PPP4R2: variants seen among roughly 807,000 people sequenced by gnomAD.
PPP4R2 encodes the protein protein phosphatase 4 regulatory subunit 2.
Under a neutral mutation model 47.2 loss-of-function variants are expected in PPP4R2, and 13 were observed. That is an observed-to-expected ratio of 0.28 (90% CI 0.18 to 0.44). The LOEUF is 0.44. PPP4R2 is among the 20% of genes least tolerant of loss of function. The probability of loss-of-function intolerance (pLI) is 1.00; values close to 1 mark genes in which losing one functional copy is unlikely to be tolerated. For synonymous variants in PPP4R2, 151 were observed against 163.3 expected (o/e 0.92, Z 0.57); for missense variants, 421 against 491.2 (o/e 0.86, Z 1.35).
At chr3:73,002,277 A>C (rs981424984) in intron 2 of PPP4R2, among the ~76,000 whole-genome samples, 2 of 152,158 alleles carry the variant, frequency 1.3e-5, no homozygotes, top group Admixed American at 6.6e-5. Context: ...TTTTGAGGCA[A>C]GGTCTTGCTG....
intron 2 of PPP4R2, chr3:73,015,004 G>A (rs777328238): frequency 4.8e-5 from 32 of 670,682 alleles, no homozygotes; most frequent in Middle Eastern, 4.7e-4. Flanking sequence ...TCACCCAGTC[G>A]TAATTTTTTT....
chr3:73,013,093 T>C (rs1002540702), intron 2 of PPP4R2, among the ~76,000 whole-genome samples: 6 of 152,060 alleles, frequency 3.9e-5, no homozygotes, highest in African/African-American at 1.4e-4. Context: ...CCTTGTTAAG[T>C]TGTCATTCAG....
intron 3 of PPP4R2, among the ~76,000 whole-genome samples, chr3:73,058,763 A>T: frequency 6.6e-6 from 1 of 151,520 alleles, no homozygotes; most frequent in East Asian, 1.9e-4. Flanking sequence ...TTCTAACTAT[A>T]TTTTTGTACC....
chr3:73,055,367 A>G (rs928511825), intron 3 of PPP4R2, among the ~76,000 whole-genome samples: 6 of 151,774 alleles, frequency 4.0e-5, no homozygotes, highest in Non-Finnish European at 8.8e-5. Flanking sequence ...CATGAGACCC[A>G]TGAAGACTCA....
At chr3:73,048,024 A>G (rs1451290553) in intron 3 of PPP4R2, among the ~76,000 whole-genome samples, 1 of 152,070 alleles carries the variant, frequency 6.6e-6, no homozygotes, top group Non-Finnish European at 1.5e-5. Context: ...CTGTAGGCGC[A>G]TGCCACCACA....
intron 2 of PPP4R2, among the ~76,000 whole-genome samples, chr3:73,012,881 T>G (rs1405148496): frequency 6.6e-6 from 1 of 151,118 alleles, no homozygotes; most frequent in Non-Finnish European, 1.5e-5. Context: ...GGAGCAATCT[T>G]AAATGTAGGT....
At chr3:73,007,979 AT>A (rs1272788104) in intron 2 of PPP4R2, among the ~76,000 whole-genome samples, 24 of 151,604 alleles carry the variant, frequency 1.6e-4, no homozygotes, top group Non-Finnish European at 2.5e-4. Context: ...TTCCCTCAAA[AT>A]TTTTTTTAAG....
intron 2 of PPP4R2, among the ~76,000 whole-genome samples, chr3:73,045,982 A>T (rs1559562118): frequency 6.6e-6 from 1 of 152,170 alleles, no homozygotes; most frequent in East Asian, 1.9e-4. Context: ...TCATTTTGTT[A>T]CACAGAATAT....
chr3:73,012,062 T>C (rs746706546), intron 2 of PPP4R2, among the ~76,000 whole-genome samples: 7 of 152,216 alleles, frequency 4.6e-5, no homozygotes, highest in South Asian at 4.1e-4. Flanking sequence ...TCCCTTGTTA[T>C]ATGTGGGTGA....
intron 5 of PPP4R2, chr3:73,061,373 T>C (rs1323624816): frequency 5.8e-6 from 1 of 173,378 alleles, no homozygotes. Flanking sequence ...AGGGTGTCTC[T>C]AGGGCATAAT....
chr3:73,059,222 A>G (rs1221047673), intron 4 of PPP4R2, 92 bp downstream of exon 4: 12 of 609,384 alleles, frequency 2.0e-5, no homozygotes, highest in Non-Finnish European at 2.7e-5. Flanking sequence ...TTCGGGTACC[A>G]CTTCTTGAAA....
At chr3:72,999,025 G>T (rs189461079) in intron 2 of PPP4R2, among the ~76,000 whole-genome samples, 1 of 152,242 alleles carries the variant, frequency 6.6e-6, no homozygotes, top group African/African-American at 2.4e-5. Context: ...ATTAGCAAGT[G>T]TTCATTTCTC....
chr3:73,011,764 C>A (rs990098681), intron 2 of PPP4R2, among the ~76,000 whole-genome samples: 1 of 147,810 alleles, frequency 6.8e-6, no homozygotes, highest in African/African-American at 2.5e-5. Context: ...GGTGATGAGA[C>A]TGATACGTGT....
chr3:73,000,283 A>G (rs1701432226), intron 2 of PPP4R2, among the ~76,000 whole-genome samples: 1 of 152,196 alleles, frequency 6.6e-6, no homozygotes, highest in Admixed American at 6.5e-5. Context: ...GCAGTGAGCC[A>G]TGATGGTTGG....
At position 73,065,620 on chromosome 3, in the gene PPP4R2, A is replaced by G; in HGVS notation, c.1152A>G (p.Val384=). The G allele has an allele frequency of 1.1e-5, 18 of 1,613,078 alleles. No individual in the cohort carries two copies. The highest frequency in any genetic ancestry group is 1.5e-5 in the Non-Finnish European group (18 of 1,179,062). The change falls in exon 9 of 9, where the codon GTA becomes GTG. Residue 384 remains valine, a synonymous_variant. Coordinates refer to ENST00000356692, the MANE Select transcript of PPP4R2 (RefSeq NM_174907.4). ...SSDCRETEEL[V]GSNSSKTGEI... ...ACTGCCGTGAAACAGAAGAATTAGT[A>G]GGATCCAATTCCAGTAAAACTGGAG...
At position 73,065,983 on chromosome 3, in the gene PPP4R2, T is replaced by A. The variant is rs1017670507; in HGVS notation, c.*261T>A. 3.8e-5 allele frequency: 8 copies of A among 213,046 alleles called. No homozygotes were observed. The highest frequency in any genetic ancestry group is 1.7e-4 in the Admixed American group (3 of 17,258). 13.2% of individuals were successfully genotyped at this position (213,046 alleles called of 1,614,324 possible). A position where few individuals can be genotyped will look rare whatever the true frequency, so the allele number is the denominator to read the frequency against. ...AAATCAGTGGTTTGTGTATAGATTT[T>A]TTTTTTTTTTTAATTTAGGATTGAA... On this transcript the variant is annotated 3_prime_UTR_variant, in exon 9 of 9. Coordinates refer to ENST00000356692, the MANE Select transcript of PPP4R2 (RefSeq NM_174907.4).
intron 2 of PPP4R2, among the ~76,000 whole-genome samples, chr3:73,005,523 C>T (rs1701589713): frequency 6.6e-6 from 1 of 151,810 alleles, no homozygotes; most frequent in Non-Finnish European, 1.5e-5. Flanking sequence ...ATCATTTTGT[C>T]TTGAATTCTT....
intron 2 of PPP4R2, among the ~76,000 whole-genome samples, chr3:73,013,379 TCA>T (rs1176346492): frequency 6.6e-6 from 1 of 152,238 alleles, no homozygotes; most frequent in Non-Finnish European, 1.5e-5. Context: ...GTGTAATGGA[TCA>T]CACAAATTAG....
In PPP4R2 at chr3:73,021,880, G is replaced by GTGTA. The variant is rs1370167478; in HGVS notation, c.116+23723_116+23724insGTAT. On this transcript the variant is annotated intron_variant, in intron 2 of 8. Coordinates refer to ENST00000356692, the MANE Select transcript of PPP4R2 (RefSeq NM_174907.4). ...TGTGTGTGTGTGTGTGTGTGTGTGT[G>GTGTA]TATATATGCATATATATATATTTTT... 7.6e-3 allele frequency among the ~76,000 whole-genome samples: 1,025 copies of GTGTA among 135,356 alleles called. 13 individuals carry two copies. Among genetic ancestry groups the GTGTA allele is most frequent in the South Asian group, 9.8e-3 (41 of 4,180 alleles). The allele number at this position is 135,356 out of a possible 152,430, so 88.8% of individuals were successfully genotyped here.
Sources: allele counts gnomAD v4.1 joint callset (sites outside exome capture counted in the v4.1 genomes callset), GRCh38; gene constraint gnomAD v4.1.1; transcripts MANE v1.5; gene names NCBI Gene and HGNC (gene_info 2026-07-23, HGNC 2026-07-21).